ZC3H12B: variants seen among roughly 807,000 people sequenced by gnomAD.
ZC3H12B encodes the protein zinc finger CCCH-type containing 12B.
A neutral mutation model predicts 43.9 loss-of-function variants in ZC3H12B; 7 were observed. The ratio of observed to expected loss-of-function variants is 0.16; its 90% CI spans 0.09 to 0.30. The LOEUF (loss-of-function observed/expected upper bound fraction) is 0.30. ZC3H12B is among the 10% of genes least tolerant of loss of function. ZC3H12B has a pLI of 1.00. For missense variants in ZC3H12B, 475 were observed against 670.2 expected, an observed-to-expected ratio of 0.71 and a Z score of 3.22; for synonymous variants, 222 against 241.7, an observed-to-expected ratio of 0.92 and a Z score of 0.76.
In ZC3H12B at chrX:65,392,247, C is replaced by T. The variant is rs145510911; in HGVS notation, n.296-6346C>T. The stretch of plus-strand genomic sequence containing the variant: ...ACCAATCATCTGGGATGTGAGGAGC[C>T]CCTCTGCCTGGCTGCCCAGTCTGGG... On this transcript the variant is annotated intron_variant and non_coding_transcript_variant, in intron 2 of 5. Coordinates refer to the ZC3H12B transcript ENST00000617377. 4.5e-3 allele frequency among the ~76,000 whole-genome samples: 503 copies of T among 111,083 alleles called. 1 individual carries two copies. The highest frequency in any genetic ancestry group is 7.0e-3 in the Non-Finnish European group (368 of 52,867).
chrX:65,437,459 C>T (rs1186776330), intron 3 of ZC3H12B, among the ~76,000 whole-genome samples: 1 of 112,346 alleles, frequency 8.9e-6, no homozygotes, highest in Non-Finnish European at 1.9e-5. Flanking sequence ...GAGATGATAT[C>T]GCATTGAAGT....
chrX:65,385,592 A>G lies in ZC3H12B; in HGVS notation n.296-13001A>G, dbSNP rs1602356463. 2.7e-5 allele frequency among the ~76,000 whole-genome samples: 3 copies of G among 111,975 alleles called. No individual in the cohort carries two copies. In the East Asian group the frequency reaches 8.4e-4, roughly 31 times the overall value. On this transcript the variant is annotated intron_variant and non_coding_transcript_variant, in intron 2 of 5. Transcript: ENST00000617377. ...TCTAAATATACAATATCATCTGCAA[A>G]CAGGGACAATTTGACTTCCTCTTTT... is the stretch of plus-strand genomic sequence containing the variant.
the ZC3H12B span, among the ~76,000 whole-genome samples, chrX:65,195,801 CCTA>C: frequency 6.2e-5 from 7 of 112,033 alleles, no homozygotes; most frequent in Non-Finnish European, 1.3e-4. Flanking sequence ...ACACCTTTGT[CCTA>C]CTGAGTTACT....
At chrX:65,317,097 C>G in the ZC3H12B span, among the ~76,000 whole-genome samples, 1 of 111,100 alleles carries the variant, frequency 9.0e-6, no homozygotes, top group Non-Finnish European at 1.9e-5. Flanking sequence ...GAAAACCGAA[C>G]TATCCTAAAT....
intron 2 of ZC3H12B, among the ~76,000 whole-genome samples, chrX:65,395,646 T>G (rs777517661): frequency 3.6e-5 from 4 of 111,990 alleles, no homozygotes; most frequent in African/African-American, 3.2e-5. Context: ...CTGAGTTTTT[T>G]TTGTTGTTGT....
At chrX:65,196,102 G>A in the ZC3H12B span, among the ~76,000 whole-genome samples, 1 of 110,241 alleles carries the variant, frequency 9.1e-6, no homozygotes, top group Admixed American at 9.7e-5. Context: ...TGAATCAAGG[G>A]CCTGCAGGAA....
At chrX:65,310,564 A>G in the ZC3H12B span, among the ~76,000 whole-genome samples, 1 of 112,116 alleles carries the variant, frequency 8.9e-6, no homozygotes, top group South Asian at 3.7e-4. Context: ...GAAAATGGCC[A>G]TACTGCCCAA....
the ZC3H12B span, among the ~76,000 whole-genome samples, chrX:65,085,669 G>T: frequency 1.8e-5 from 2 of 110,129 alleles, no homozygotes; most frequent in African/African-American, 6.6e-5. Flanking sequence ...CTACTCGGAA[G>T]TATAAGATGG....
chrX:65,068,975 T>C, the ZC3H12B span, among the ~76,000 whole-genome samples: 2 of 109,570 alleles, frequency 1.8e-5, no homozygotes, highest in African/African-American at 6.6e-5. Context: ...ATAAGGTTTC[T>C]CCTGAGAAGT....
the ZC3H12B span, among the ~76,000 whole-genome samples, chrX:65,338,432 A>G: frequency 2.7e-5 from 3 of 112,189 alleles, no homozygotes; most frequent in African/African-American, 9.7e-5. Context: ...TCCATTAGAC[A>G]TACAAAGAAG....
the ZC3H12B span, among the ~76,000 whole-genome samples, chrX:65,162,961 C>A: frequency 8.9e-6 from 1 of 112,093 alleles, no homozygotes; most frequent in Non-Finnish European, 1.9e-5. Flanking sequence ...GATGTCCTTT[C>A]TGTTTGTTAG....
rs375751538 is a variant in ZC3H12B, at chrX:65,392,523, C to T, written n.296-6070C>T. ...CCATCTGGGAGGTGAGGGGCGCCCC[C>T]GCCCGGTAGCCACCCCGTCTGGGAG... is the stretch of plus-strand genomic sequence containing the variant. On this transcript the variant is annotated intron_variant and non_coding_transcript_variant, in intron 2 of 5. Transcript: ENST00000617377. 5.4e-5 allele frequency among the ~76,000 whole-genome samples: 6 copies of T among 111,902 alleles called. No homozygotes were observed. The East Asian group carries it at 8.7e-4, about 16-fold the overall frequency.
At chrX:65,256,106 T>C in the ZC3H12B span, among the ~76,000 whole-genome samples, 1 of 111,946 alleles carries the variant, frequency 8.9e-6, no homozygotes, top group Admixed American at 9.5e-5. Context: ...CAACACCTCA[T>C]TGAAAATATT....
chrX:65,346,210 C>T, the ZC3H12B span, among the ~76,000 whole-genome samples: 1 of 108,146 alleles, frequency 9.2e-6, no homozygotes, highest in Non-Finnish European at 1.9e-5. Flanking sequence ...TGTTACCTGA[C>T]TTCAAACTAT....
the ZC3H12B span, among the ~76,000 whole-genome samples, chrX:65,059,219 A>ACACC: frequency 2.6e-5 from 1 of 38,473 alleles, no homozygotes; most frequent in Non-Finnish European, 4.9e-5. Context: ...TCTTGGAACC[A>ACACC]CCCCCCCCCC....
intron 2 of ZC3H12B, among the ~76,000 whole-genome samples, chrX:65,386,437 G>A (rs1465766296): frequency 2.7e-5 from 3 of 111,779 alleles, no homozygotes; most frequent in Non-Finnish European, 5.6e-5. Context: ...TTTGCGTAGA[G>A]GTGTTTATAG....
chrX:65,380,274 T>C (rs1056014577), intron 2 of ZC3H12B, among the ~76,000 whole-genome samples: 12 of 112,097 alleles, frequency 1.1e-4, no homozygotes, highest in African/African-American at 3.9e-4. Flanking sequence ...AGAAACTCTA[T>C]AAGCCAGAAG....
the ZC3H12B span, among the ~76,000 whole-genome samples, chrX:65,343,783 G>A: frequency 9.0e-6 from 1 of 111,700 alleles, no homozygotes; most frequent in African/African-American, 3.2e-5. Context: ...GATGCCCTCT[G>A]TCATCACTCC....
chrX:65,182,879 C>A, the ZC3H12B span, among the ~76,000 whole-genome samples: 1 of 112,150 alleles, frequency 8.9e-6, no homozygotes, highest in African/African-American at 3.2e-5. Flanking sequence ...GAGATATCAT[C>A]TCATACCAGC....
Sources: allele counts gnomAD v4.1 joint callset (sites outside exome capture counted in the v4.1 genomes callset), GRCh38; gene constraint gnomAD v4.1.1; transcripts MANE v1.5; gene names NCBI Gene and HGNC (gene_info 2026-07-23, HGNC 2026-07-21).